Variants in FILIP1L observed in about 807,000 individuals in gnomAD.
FILIP1L encodes filamin A-interacting protein 1-like.
FILIP1L carries 55 observed loss-of-function variants against 96.6 expected under a neutral mutation model. The ratio of observed to expected loss-of-function variants is 0.57; its 90% CI spans 0.46 to 0.71. FILIP1L has a LOEUF of 0.71. Among genes scored for constraint, FILIP1L ranks in the 30% least tolerant of loss-of-function variants. The pLI, the probability that FILIP1L is intolerant of heterozygous loss-of-function variation, is 0.00. For synonymous variants in FILIP1L, 467 were observed against 473.9 expected, an observed-to-expected ratio of 0.99 and a Z score of 0.19; for missense variants, 1,304 against 1,321.2, an observed-to-expected ratio of 0.99 and a Z score of 0.20.
chr3:100,019,640 C>T (rs2064770959), intron 1 of FILIP1L, among the ~76,000 whole-genome samples: 1 of 152,114 alleles, frequency 6.6e-6, no homozygotes, highest in Non-Finnish European at 1.5e-5. Flanking sequence ...TTGACTATTG[C>T]TGTTGACTGT....
chr3:99,868,586 C>T (rs985661191), intron 4 of FILIP1L, among the ~76,000 whole-genome samples: 4 of 152,204 alleles, frequency 2.6e-5, no homozygotes, highest in Admixed American at 2.6e-4. Flanking sequence ...TTTAAGCTGC[C>T]TTCCTTTCTG....
intron 1 of FILIP1L, among the ~76,000 whole-genome samples, chr3:99,998,317 A>G (rs1043280115): frequency 6.6e-6 from 1 of 152,218 alleles, no homozygotes; most frequent in African/African-American, 2.4e-5. Context: ...TTCTAACTAC[A>G]GGGTTAGAAA....
intron 1 of FILIP1L, among the ~76,000 whole-genome samples, chr3:100,045,580 A>G (rs998738168): frequency 6.6e-6 from 1 of 152,062 alleles, no homozygotes. Flanking sequence ...TTTATCTTAA[A>G]TGGGACATTT....
At chr3:99,975,165 C>A (rs1708933151) in intron 1 of FILIP1L, among the ~76,000 whole-genome samples, 1 of 152,204 alleles carries the variant, frequency 6.6e-6, no homozygotes, top group Non-Finnish European at 1.5e-5. Context: ...CCTCCCCGCT[C>A]CAATCTACCA....
chr3:100,089,809 A>G (rs914858894), intron 1 of FILIP1L, among the ~76,000 whole-genome samples: 1 of 152,220 alleles, frequency 6.6e-6, no homozygotes, highest in Admixed American at 6.5e-5. Context: ...GTAGAATGTC[A>G]TATTAGGAAC....
chr3:99,951,676 C>T (rs1217687303), intron 1 of FILIP1L, among the ~76,000 whole-genome samples: 1 of 152,198 alleles, frequency 6.6e-6, no homozygotes, highest in Non-Finnish European at 1.5e-5. Context: ...GGCTTGGCCA[C>T]CTTATGTCTC....
At chr3:99,830,984 A>G (rs1942651994) in intron 5 of FILIP1L, among the ~76,000 whole-genome samples, 1 of 152,236 alleles carries the variant, frequency 6.6e-6, no homozygotes, top group Non-Finnish European at 1.5e-5. Flanking sequence ...AGAATATGGC[A>G]TTTGACTTGG....
At chr3:100,105,124 T>C (rs1333621655) in intron 1 of FILIP1L, among the ~76,000 whole-genome samples, 3 of 152,214 alleles carry the variant, frequency 2.0e-5, no homozygotes, top group African/African-American at 7.2e-5. Context: ...AAGCATTGTT[T>C]AAGTCTCATA....
rs1378634219 is a variant in FILIP1L at position 99,848,382 on chromosome 3, C to T, written c.3294G>A (p.Gly1098=). 2 of 1,613,928 alleles carry T rather than the reference C, an allele frequency of 1.2e-6. No individual in the cohort carries two copies. The highest frequency in any genetic ancestry group is 2.7e-5 in the African/African-American group (2 of 74,872). The change falls in exon 5 of 6, where the codon GGG becomes GGA. Residue 1098 remains glycine (G), a synonymous_variant. Coordinates refer to ENST00000477258, the MANE Select transcript of FILIP1L (RefSeq NM_001387850.1). Reference sequence around the variant, plus strand: ...CTTTATTGGTTGTTTTGTTTAGTGCCCCGTTAATTAAGCCTTGAGTTCGGT... The same window carrying T: ...CTTTATTGGTTGTTTTGTTTAGTGCTCCGTTAATTAAGCCTTGAGTTCGGT... ...QDNRTQGLIN[G]ALNKTTNKVT...
At chr3:99,901,257 C>T (rs1706427629) in intron 4 of FILIP1L, among the ~76,000 whole-genome samples, 1 of 152,106 alleles carries the variant, frequency 6.6e-6, no homozygotes, top group Non-Finnish European at 1.5e-5. Context: ...TTTAGAGATG[C>T]CAACTTAATT....
intron 1 of FILIP1L, among the ~76,000 whole-genome samples, chr3:100,081,950 C>T (rs1026802980): frequency 2.0e-5 from 3 of 152,072 alleles, no homozygotes; most frequent in African/African-American, 7.2e-5. Context: ...ATAACATTGC[C>T]TTCAATTGCT....
rs1559657904 is a variant in FILIP1L at position 99,850,314 on chromosome 3, G to A, written c.1362C>T (p.Thr454=). The change falls in exon 5 of 6, where the codon ACC becomes ACT. Residue 454 remains threonine, a synonymous_variant. Transcript: ENST00000477258. ...CCAGTTCTTGAGACAACTGCTTTGT[G>A]GTCATCCTTTCTTTTTCTAAATTGC... The part of the protein sequence containing the change: ...LKCNLEKERM[T]TKQLSQELES... 6.2e-7 allele frequency: 1 copy of A among 1,613,340 alleles called. No homozygotes were observed. Among genetic ancestry groups the A allele is most frequent in the East Asian group, 2.2e-5 (1 of 44,868 alleles).
At chr3:99,928,913 A>G (rs1328355601) in intron 3 of FILIP1L, among the ~76,000 whole-genome samples, 1 of 152,220 alleles carries the variant, frequency 6.6e-6, no homozygotes, top group Non-Finnish European at 1.5e-5. Flanking sequence ...AGAAGCAGAT[A>G]CATATGACCA....
intron 1 of FILIP1L, among the ~76,000 whole-genome samples, chr3:99,989,541 C>T (rs1709450295): frequency 6.6e-6 from 1 of 152,254 alleles, no homozygotes; most frequent in East Asian, 1.9e-4. Flanking sequence ...TATCTTAGTC[C>T]TCCTGTTCCT....
intron 1 of FILIP1L, among the ~76,000 whole-genome samples, chr3:100,093,144 G>C (rs931534250): frequency 6.6e-6 from 1 of 152,038 alleles, no homozygotes; most frequent in Non-Finnish European, 1.5e-5. Flanking sequence ...TCTATGCACT[G>C]GTCATCAGAC....
chr3:99,903,486 G>A (rs1485963708), intron 4 of FILIP1L, among the ~76,000 whole-genome samples: 5 of 152,004 alleles, frequency 3.3e-5, no homozygotes, highest in Non-Finnish European at 5.9e-5. Context: ...CCCTGACCTC[G>A]TGATCCACCT....
chr3:99,908,679 C>T (rs1166135620), intron 4 of FILIP1L, among the ~76,000 whole-genome samples: 6 of 152,082 alleles, frequency 3.9e-5, no homozygotes, highest in Non-Finnish European at 8.8e-5. Flanking sequence ...ATAATATTAC[C>T]TCCTTTAAAA....
At chr3:100,013,622 T>C (rs1004543894) in intron 1 of FILIP1L, among the ~76,000 whole-genome samples, 4 of 152,154 alleles carry the variant, frequency 2.6e-5, no homozygotes, top group African/African-American at 9.7e-5. Context: ...AATGACCATA[T>C]TCATTTTGTT....
intron 4 of FILIP1L, among the ~76,000 whole-genome samples, chr3:99,888,640 C>T (rs1002190887): frequency 6.6e-6 from 1 of 152,134 alleles, no homozygotes; most frequent in African/African-American, 2.4e-5. Context: ...CTTAACCTAT[C>T]AACAATTTTA....
Sources: gnomAD v4.1 joint callset for allele counts (sites outside exome capture counted in the v4.1 genomes callset) on GRCh38, gnomAD v4.1.1 for gene constraint, MANE v1.5 for transcripts, NCBI Gene and HGNC (gene_info 2026-07-23, HGNC 2026-07-21) for gene names.